Variants in MGAM2 observed in about 807,000 individuals in gnomAD.
MGAM2 encodes the protein maltase-glucoamylase 2 (putative).
MGAM2 carries 98 observed loss-of-function variants against 96.1 expected under a neutral mutation model. The observed-to-expected ratio is 1.02, with a 90% confidence interval of 0.87 to 1.21. MGAM2 has a LOEUF of 1.21. MGAM2 is among the 50% of genes most tolerant of loss of function. MGAM2 has a pLI of 0.00. For missense variants in MGAM2, 2,055 were observed against 1,182.4 expected, an observed-to-expected ratio of 1.74 and a Z score of -10.82; for synonymous variants, 749 against 414.8, an observed-to-expected ratio of 1.81 and a Z score of -9.79.
At chr7:142,166,387 G>A (rs1257746159) in intron 25 of MGAM2, 134 bp downstream of exon 25, 3 of 527,634 alleles carry the variant, frequency 5.7e-6, no homozygotes, top group African/African-American at 1.9e-5. Flanking sequence ...TACATGATAG[G>A]TCATCAGTAT....
rs571775884 is a variant in MGAM2, at chr7:142,153,987, C to T, written c.1635-31C>T. 17 of 571,344 alleles carry T rather than the reference C, an allele frequency of 3.0e-5. No homozygotes were observed. The African/African-American group carries it at 3.1e-4, about 10-fold the overall frequency. The allele number at this position is 571,344 out of a possible 1,614,324, so 35.4% of individuals were successfully genotyped here. On this transcript the variant is annotated intron_variant, in intron 15 of 47. Transcript: ENST00000477922. ...TGAGTCCTAGACATTCACAGCCCACCTCACACTCCACTGGATGTATTCCTT... is the reference window on the plus strand; with the variant it reads ...TGAGTCCTAGACATTCACAGCCCACTTCACACTCCACTGGATGTATTCCTT...
intron 15 of MGAM2, 122 bp downstream of exon 15, chr7:142,147,695 A>G: frequency 1.8e-6 from 1 of 564,958 alleles, no homozygotes; most frequent in Non-Finnish European, 3.1e-6. Flanking sequence ...TAGAAATAGA[A>G]AAACTGTTCT....
intron 15 of MGAM2, among the ~76,000 whole-genome samples, chr7:142,153,007 T>G (rs1234416520): frequency 6.7e-6 from 1 of 150,350 alleles, no homozygotes; most frequent in Non-Finnish European, 1.5e-5. Context: ...TTTTTTTTTT[T>G]TTGTCTGAGA....
chr7:142,221,795 A>G lies in MGAM2; in HGVS notation c.7284A>G (p.Thr2428=), dbSNP rs1228499429. Residue 2428 remains threonine (T), a synonymous_variant, in exon 48 of 48, where the codon ACA becomes ACG. Coordinates refer to ENST00000477922, the MANE Select transcript of MGAM2 (RefSeq NM_001293626.2). The part of the protein sequence containing the change: ...ITDADNSSSV[T]GNTTHISVSN... ...ATGCAGATAACTCCAGCAGTGTTAC[A>G]GGTAACACGACACACATTTCTGTTT... is the stretch of plus-strand genomic sequence containing the variant. 2.5e-6 allele frequency: 1 copy of G among 401,870 alleles called. No homozygotes were observed. Among genetic ancestry groups the G allele is most frequent in the Admixed American group, 4.2e-5 (1 of 23,636 alleles). 24.9% of individuals were successfully genotyped at this position (401,870 alleles called of 1,614,324 possible).
chr7:142,148,964 C>T lies in MGAM2; in HGVS notation c.1634+1391C>T, dbSNP rs992988346. Among the ~76,000 whole-genome samples the T allele has an allele frequency of 3.9e-5, 6 of 152,096 alleles. No individual in the cohort carries two copies. The highest frequency in any genetic ancestry group is 1.9e-4 in the East Asian group (1 of 5,196). On this transcript the variant is annotated intron_variant, in intron 15 of 47. Coordinates refer to ENST00000477922, the MANE Select transcript of MGAM2 (RefSeq NM_001293626.2). The surrounding 1 kb of genome is among the most constrained non-coding windows in gnomAD (Gnocchi z 4.2). ...TCTGCTGGCTTGGTGCGGTGGCTTA[C>T]GTCTGTAATCCAAGCACTTTGGGAG...
intron 1 of MGAM2, among the ~76,000 whole-genome samples, chr7:142,112,028 G>T (rs1817189300): frequency 6.7e-6 from 1 of 149,092 alleles, no homozygotes; most frequent in Admixed American, 6.6e-5. Context: ...GTGTGTGTGT[G>T]TGTGTGTGTG....
chr7:142,113,533 T>A (rs1817247755), intron 1 of MGAM2, among the ~76,000 whole-genome samples: 1 of 152,176 alleles, frequency 6.6e-6, no homozygotes, highest in East Asian at 1.9e-4. Context: ...TAGGTTTTTT[T>A]TTTATAATGT....
rs944740986 is a variant in MGAM2, at chr7:142,111,779, T to C, written c.-29T>C. 7 of 152,168 alleles carry C rather than the reference T, an allele frequency of 4.6e-5. No homozygotes were observed. Among genetic ancestry groups the C allele is most frequent in the Admixed American group, 4.6e-4 (7 of 15,274 alleles). 9.4% of individuals were successfully genotyped at this position (152,168 alleles called of 1,614,324 possible). The stretch of plus-strand genomic sequence containing the variant: ...TCCCTATGAATTGCTGAGGGAGAGA[T>C]ACAGCATAGAAAAAAACAAGGTGAT... On this transcript the variant is annotated 5_prime_UTR_variant, in exon 1 of 48. Transcript: ENST00000477922.
intron 24 of MGAM2, 60 bp from the exon 25 acceptor site, chr7:142,166,038 A>T (rs1796017692): frequency 1.7e-6 from 1 of 605,520 alleles, no homozygotes; most frequent in African/African-American, 1.9e-5. Flanking sequence ...TCCAGCCAAG[A>T]ACTCTTTCTG....
chr7:142,146,302 C>T (rs1795384915), intron 14 of MGAM2, among the ~76,000 whole-genome samples: 2 of 151,976 alleles, frequency 1.3e-5, no homozygotes, highest in Admixed American at 6.6e-5. Flanking sequence ...GGCAGCCCCT[C>T]CCCTTTCCAG....
chr7:142,213,560 C>T (rs947732049), intron 46 of MGAM2, among the ~76,000 whole-genome samples: 1 of 152,166 alleles, frequency 6.6e-6, no homozygotes, highest in Non-Finnish European at 1.5e-5. Context: ...TGCAAATAAA[C>T]TAGAAAATCT....
At chr7:142,147,097 T>C (rs1415558848) in intron 14 of MGAM2, among the ~76,000 whole-genome samples, 1 of 152,188 alleles carries the variant, frequency 6.6e-6, no homozygotes, top group Non-Finnish European at 1.5e-5. Flanking sequence ...TTCATACCTA[T>C]ACATTGTACA....
Position 142,160,151 on chromosome 7 carries a change from G to A in MGAM2, c.2238G>A (p.Trp746Ter), listed in dbSNP as rs1433170430. The A allele has an allele frequency of 2.8e-6, 2 of 702,236 alleles. No homozygotes were observed. The highest frequency in any genetic ancestry group is 1.7e-5 in the African/African-American group (1 of 57,184). 43.5% of individuals were successfully genotyped at this position (702,236 alleles called of 1,614,324 possible). A position where few individuals can be genotyped will look rare whatever the true frequency, so the allele number is the denominator to read the frequency against. The change falls in exon 21 of 48, where the codon TGG (tryptophan) becomes TGA (stop). Residue 746 changes from tryptophan (W) to a stop codon, truncating the protein, a stop_gained. Transcript: ENST00000477922. LOFTEE classifies it high-confidence loss of function. ...YDYETGVAIS[W>*]RKQLVNMLLP... The stretch of plus-strand genomic sequence containing the variant: ...CTGATTAGGGAGTGGCCATCTCATG[G>A]AGGAAACAGTTGGTGAATATGCTTC...
chr7:142,168,900 C>T (rs1020976786), intron 26 of MGAM2, among the ~76,000 whole-genome samples: 1 of 152,264 alleles, frequency 6.6e-6, no homozygotes, highest in East Asian at 1.9e-4. Flanking sequence ...TTCAGACTAG[C>T]CCATGTCAGG....
chr7:142,116,814 T>C, intron 1 of MGAM2, 60 bp from the exon 2 acceptor site: 2 of 699,942 alleles, frequency 2.9e-6, no homozygotes, highest in Non-Finnish European at 5.2e-6. Context: ...TGATTATGTA[T>C]CCTCTTAGAT....
At chr7:142,207,367 G>A (rs924685909) in intron 45 of MGAM2, among the ~76,000 whole-genome samples, 18 of 152,130 alleles carry the variant, frequency 1.2e-4, no homozygotes, top group African/African-American at 4.3e-4. Context: ...ATTGAATTAT[G>A]AGTTGGGTAC....
chr7:142,202,059 A>C (rs955763309), intron 45 of MGAM2, among the ~76,000 whole-genome samples: 1 of 152,228 alleles, frequency 6.6e-6, no homozygotes, highest in African/African-American at 2.4e-5. Flanking sequence ...TAAGTGAAAG[A>C]TGCTAAAAAT....
At chr7:142,149,840 C>T (rs972316967) in intron 15 of MGAM2, among the ~76,000 whole-genome samples, 5 of 151,180 alleles carry the variant, frequency 3.3e-5, no homozygotes, top group African/African-American at 1.2e-4. Flanking sequence ...CGCGCCCGGC[C>T]TTACTTGGAT....
At position 142,119,332 on chromosome 7, in the gene MGAM2, A is replaced by C. The variant is rs138890525; in HGVS notation, c.107-970A>C. On this transcript the variant is annotated intron_variant, in intron 2 of 47. Coordinates refer to ENST00000477922, the MANE Select transcript of MGAM2 (RefSeq NM_001293626.2). ...AACCCATGAAAGTATATTCAACATC[A>C]TTGGTTATTTGGGAAGCGCAAGTCA... 4.7e-3 allele frequency among the ~76,000 whole-genome samples: 717 copies of C among 152,320 alleles called. 6 individuals carry two copies. The highest frequency in any genetic ancestry group is 0.016 in the African/African-American group (682 of 41,568).
Sources: gnomAD v4.1 joint callset for allele counts (sites outside exome capture counted in the v4.1 genomes callset) on GRCh38, gnomAD v4.1.1 for gene constraint, Gnocchi (gnomAD v3.1) non-coding constraint, MANE v1.5 for transcripts, NCBI Gene and HGNC (gene_info 2026-07-23, HGNC 2026-07-21) for gene names.